The following DDX31 variants were observed in gnomAD, a reference collection of about 807,000 sequenced individuals.
DDX31 encodes the protein DEAD-box helicase 31.
A neutral mutation model predicts 91.3 loss-of-function variants in DDX31; 70 were observed. The observed-to-expected ratio is 0.77, with a 90% confidence interval of 0.63 to 0.94. DDX31 has a LOEUF of 0.94. Ranked by LOEUF, DDX31 falls within the 40% of genes least tolerant of loss-of-function variation. The pLI is 0.00. For missense variants in DDX31, 902 were observed against 925.0 expected, an observed-to-expected ratio of 0.98 and a Z score of 0.32; for synonymous variants, 362 against 350.6, an observed-to-expected ratio of 1.03 and a Z score of -0.36.
chr9:132,652,426 T>A (rs748630045), intron 7 of DDX31, 22 bp downstream of exon 7: 3 of 1,613,962 alleles, frequency 1.9e-6, no homozygotes, highest in Non-Finnish European at 2.5e-6. Flanking sequence ...TTAAAACTTG[T>A]CCCAAAAGGG....
At chr9:132,655,264 G>A (rs538159773) in intron 6 of DDX31, among the ~76,000 whole-genome samples, 1 of 137,248 alleles carries the variant, frequency 7.3e-6, no homozygotes, top group South Asian at 2.5e-4. Flanking sequence ...AGTAATTCAC[G>A]GTACATACAT....
intron 1 of DDX31, among the ~76,000 whole-genome samples, chr9:132,665,418 A>G (rs1008426875): frequency 9.2e-5 from 14 of 152,154 alleles, no homozygotes; most frequent in Non-Finnish European, 2.1e-4. Context: ...CATAAATCCA[A>G]CCTCTACATT....
At chr9:132,642,102 G>A in intron 13 of DDX31, 39 bp from the exon 14 acceptor site, 2 of 1,591,732 alleles carry the variant, frequency 1.3e-6, no homozygotes, top group East Asian at 2.2e-5. Context: ...ACAACTCAGA[G>A]ACAAACTCCA....
chr9:132,632,194 C>T (rs1157483116), intron 14 of DDX31, 103 bp from the exon 15 acceptor site: 1 of 897,164 alleles, frequency 1.1e-6, no homozygotes, highest in Admixed American at 2.3e-5. Flanking sequence ...GTTCACCCGC[C>T]CACAGTACAT....
At chr9:132,647,391 A>G (rs1320920703) in intron 11 of DDX31, among the ~76,000 whole-genome samples, 1 of 152,168 alleles carries the variant, frequency 6.6e-6, no homozygotes, top group Non-Finnish European at 1.5e-5. Context: ...GGTTTCACAA[A>G]AGCGTTTTTG....
intron 6 of DDX31, among the ~76,000 whole-genome samples, chr9:132,656,019 A>C (rs1302475136): frequency 6.6e-6 from 1 of 152,228 alleles, no homozygotes; most frequent in African/African-American, 2.4e-5. Context: ...ACATTTCAAA[A>C]GGTGTTACTA....
At chr9:132,639,449 G>A (rs1411797535) in intron 14 of DDX31, among the ~76,000 whole-genome samples, 6 of 152,194 alleles carry the variant, frequency 3.9e-5, no homozygotes, top group Non-Finnish European at 7.3e-5. Context: ...GGCTGTGGGC[G>A]AGGGAGAGTT....
intron 1 of DDX31, chr9:132,663,171 A>C: frequency 7.8e-7 from 1 of 1,289,002 alleles, no homozygotes; most frequent in Admixed American, 2.3e-5. Flanking sequence ...GAGAGGGGCG[A>C]GGGGGAATGC....
chr9:132,660,312 G>A (rs1207382632), intron 4 of DDX31, among the ~76,000 whole-genome samples: 8 of 145,418 alleles, frequency 5.5e-5, no homozygotes, highest in African/African-American at 2.0e-4. Flanking sequence ...TCCAGCCTGG[G>A]CAACAAGAGC....
At chr9:132,624,191 A>AG (rs1564296666) in intron 17 of DDX31, among the ~76,000 whole-genome samples, 1 of 146,108 alleles carries the variant, frequency 6.8e-6, no homozygotes, top group Non-Finnish European at 1.5e-5. Context: ...AAAAAAAAAA[A>AG]AAGAAGAAAC....
intron 3 of DDX31, among the ~76,000 whole-genome samples, 185 bp from the exon 4 acceptor site, chr9:132,661,436 G>A (rs1834938501): frequency 1.3e-5 from 2 of 152,146 alleles, no homozygotes; most frequent in South Asian, 4.1e-4. Context: ...TGGGGACACA[G>A]GGCAAAGTCT....
At chr9:132,656,948 GA>G (rs200919400) in intron 6 of DDX31, among the ~76,000 whole-genome samples, 101 of 152,146 alleles carry the variant, frequency 6.6e-4, no homozygotes, top group Middle Eastern at 3.4e-3. Flanking sequence ...TTAATAGGGG[GA>G]AAAAAATCAG....
At chr9:132,599,720 T>C (rs1209590142) in intron 19 of DDX31, among the ~76,000 whole-genome samples, 5 of 152,218 alleles carry the variant, frequency 3.3e-5, no homozygotes, top group Non-Finnish European at 7.3e-5. Flanking sequence ...AATTAAAACA[T>C]AGACAGACAG....
rs78201750 is a variant in DDX31, at chr9:132,664,658, G to A, written c.76-1963C>T. 6.4e-3 allele frequency among the ~76,000 whole-genome samples: 945 copies of A among 147,034 alleles called. 20 individuals are homozygous for A. The East Asian group carries it at 0.086, about 13-fold the overall frequency. ...CGGGAGGTCAAGGCTGGATTGAGTC[G>A]TGATGACGCCATGATGCCACTGCTC... On this transcript the variant is annotated intron_variant, in intron 1 of 19. Coordinates refer to ENST00000372159, the MANE Select transcript of DDX31 (RefSeq NM_022779.9).
At chr9:132,668,010 G>A (rs1317713747) in intron 1 of DDX31, among the ~76,000 whole-genome samples, 1 of 152,154 alleles carries the variant, frequency 6.6e-6, no homozygotes, top group East Asian at 1.9e-4. Flanking sequence ...AGGTCACAGA[G>A]CTAGTGTGCA....
At chr9:132,597,439 C>T (rs755563820) in intron 19 of DDX31, among the ~76,000 whole-genome samples, 2 of 152,042 alleles carry the variant, frequency 1.3e-5, no homozygotes, top group Non-Finnish European at 2.9e-5. Flanking sequence ...TTTTTCTTCC[C>T]TCTTGTTTGA....
rs762627330 is a variant in DDX31 at position 132,625,719 on chromosome 9, A to G, written c.1658T>C (p.Ile553Thr). The G allele has an allele frequency of 3.7e-6, 6 of 1,613,874 alleles. No homozygotes were observed. The South Asian group carries it at 4.4e-5, about 12-fold the overall frequency. ...ATCATCTCTTGTCAGAACACACAAA[A>G]TATCTTCCATCTTAATCTCAGAAAC... ...INVSEIKMED[I>T]LCVLTRDDCF... is the part of the protein sequence containing the mutation. The change falls in exon 17 of 20, where the codon ATT becomes ACT. Residue 553 changes from isoleucine (I) to threonine (T), a missense_variant. Physicochemically the swap from Ile to Thr is moderately conservative, Grantham distance 89. Coordinates refer to ENST00000372159, the MANE Select transcript of DDX31 (RefSeq NM_022779.9).
At chr9:132,642,914 T>C (rs543511815) in intron 13 of DDX31, among the ~76,000 whole-genome samples, 5 of 151,418 alleles carry the variant, frequency 3.3e-5, no homozygotes, top group Admixed American at 3.3e-4. Flanking sequence ...AACCTCCACC[T>C]CCCGGGCTCA....
intron 6 of DDX31, among the ~76,000 whole-genome samples, chr9:132,656,124 A>T (rs1834546917): frequency 6.6e-6 from 1 of 152,220 alleles, no homozygotes; most frequent in South Asian, 2.1e-4. Context: ...GAGCCAAAAT[A>T]ACTGAAGAGT....
Sources: gnomAD v4.1 joint callset for allele counts (sites outside exome capture counted in the v4.1 genomes callset) on GRCh38, gnomAD v4.1.1 for gene constraint, MANE v1.5 for transcripts, NCBI Gene and HGNC (gene_info 2026-07-23, HGNC 2026-07-21) for gene names.